The following KIFC3 variants were observed in gnomAD, a reference collection of about 807,000 sequenced individuals.
KIFC3 encodes the protein kinesin-like protein KIFC3.
In KIFC3, 60 loss-of-function variants were observed where a neutral mutation model predicts 101.8. The ratio of observed to expected loss-of-function variants is 0.59; its 90% CI spans 0.48 to 0.73. The LOEUF is 0.73. Ranked by LOEUF, KIFC3 falls within the 30% of genes least tolerant of loss-of-function variation. The pLI is 0.00. For synonymous variants in KIFC3, 476 were observed against 482.7 expected, an observed-to-expected ratio of 0.99 and a Z score of 0.18; for missense variants, 966 against 1,137.1, an observed-to-expected ratio of 0.85 and a Z score of 2.16.
At chr16:57,761,318 A>G in intron 14 of KIFC3, 95 bp downstream of exon 14, 1 of 1,580,040 alleles carries the variant, frequency 6.3e-7, no homozygotes, top group East Asian at 2.3e-5. Context: ...GACTTGCCCA[A>G]GGGTGCGTGC....
upstream of KIFC3, chr16:57,802,679 G>C (rs2054820815): frequency 4.1e-6 from 4 of 970,994 alleles, no homozygotes; most frequent in South Asian, 5.5e-5. The surrounding 1 kb of genome is among the most constrained non-coding windows in gnomAD (Gnocchi z 5.0). Flanking sequence ...CTCCTTCGCG[G>C]GGCCTCCCAC....
intron 9 of KIFC3, among the ~76,000 whole-genome samples, chr16:57,768,777 A>T (rs2050798665): frequency 6.6e-6 from 1 of 152,260 alleles, no homozygotes; most frequent in Non-Finnish European, 1.5e-5. Context: ...GCTAACGGCT[A>T]TAAACAGCTC....
intron 18 of KIFC3, 84 bp from the exon 19 acceptor site, chr16:57,759,237 G>GACTC (rs2049511872): frequency 1.3e-6 from 2 of 1,484,996 alleles, no homozygotes; most frequent in African/African-American, 2.8e-5. Context: ...TACCCCTTTG[G>GACTC]ACTCAAGGAT....
intron 1 of KIFC3, among the ~76,000 whole-genome samples, chr16:57,824,543 C>T (rs922768434): frequency 6.6e-6 from 1 of 152,014 alleles, no homozygotes; most frequent in African/African-American, 2.4e-5. Flanking sequence ...ATTAGCCAGG[C>T]GTGGTGGTGC....
rs368219719 is a variant in KIFC3, at chr16:57,759,053, G to A, written c.*24+72C>T. On this transcript the variant is annotated intron_variant, in intron 19 of 19. Coordinates refer to ENST00000445690, the MANE Select transcript of KIFC3 (RefSeq NM_001130100.2). ...TAGACCCAGCTCTGAACAGCAGAAC[G>A]TCCCAGCGCAGCCCTGCAACCCACT... 2.6e-4 allele frequency: 399 copies of A among 1,536,578 alleles called. No homozygotes were observed. In the African/African-American group the frequency reaches 4.8e-3, roughly 19 times the overall value.
intron 11 of KIFC3, chr16:57,764,513 T>G (rs1460168013): frequency 6.5e-6 from 3 of 458,756 alleles, no homozygotes; most frequent in Non-Finnish European, 1.2e-5. Context: ...TCTCAAAGAG[T>G]GCTCAGCACA....
At chr16:57,836,720 C>T (rs1404449247) in intron 1 of KIFC3, among the ~76,000 whole-genome samples, 4 of 152,076 alleles carry the variant, frequency 2.6e-5, no homozygotes, top group African/African-American at 9.7e-5. Context: ...GAGACAGGGT[C>T]TTGCTCTGTT....
chr16:57,822,967 A>C (rs966174208), intron 1 of KIFC3, among the ~76,000 whole-genome samples: 40 of 151,868 alleles, frequency 2.6e-4, no homozygotes, highest in African/African-American at 8.7e-4. Flanking sequence ...GTCCCCCCCA[A>C]CCATCTGAAT....
At chr16:57,844,232 C>T (rs1281135377) in intron 1 of KIFC3, among the ~76,000 whole-genome samples, 5 of 151,836 alleles carry the variant, frequency 3.3e-5, no homozygotes, top group Non-Finnish European at 7.4e-5. Flanking sequence ...GAGTTCAAGA[C>T]CAGCCTGGCC....
chr16:57,770,634 G>T lies in KIFC3; in HGVS notation c.832C>A (p.Arg278=). Residue 278 remains arginine (R), a synonymous_variant, in exon 7 of 20, where the codon CGG becomes AGG. Transcript: ENST00000445690. ...TKQALSESQA[R]NQHLQEQVAM... ...ACCTGCTCCTGCAGGTGCTGGTTCC[G>T]GGCCTGGGACTCGCTGAGGGCCTGC... is the stretch of plus-strand genomic sequence containing the variant. 1 of 1,554,558 alleles carries T rather than the reference G, an allele frequency of 6.4e-7. No individual in the cohort carries two copies. The highest frequency in any genetic ancestry group is 1.2e-5 in the South Asian group (1 of 83,414).
chr16:57,772,885 T>C (rs782130633), intron 3 of KIFC3, among the ~76,000 whole-genome samples: 77 of 152,218 alleles, frequency 5.1e-4, no homozygotes, highest in Non-Finnish European at 1.0e-3. Flanking sequence ...CAGCCAAGGC[T>C]CTTATAGGGG....
intron 3 of KIFC3, chr16:57,785,486 G>A (rs187514737): frequency 3.9e-6 from 5 of 1,287,620 alleles, no homozygotes; most frequent in African/African-American, 1.5e-5. Flanking sequence ...CTGGGTGGAC[G>A]TGGCCTGCTG....
chr16:57,767,114 C>T, intron 9 of KIFC3, 129 bp from the exon 10 acceptor site: 1 of 679,016 alleles, frequency 1.5e-6, no homozygotes, highest in Non-Finnish European at 2.6e-6. Context: ...TGTCACATGT[C>T]AGACTGTCCC....
At chr16:57,786,493 CAA>C (rs150606163) in intron 3 of KIFC3, among the ~76,000 whole-genome samples, 3,096 of 151,550 alleles carry the variant, frequency 0.02, 120 homozygotes, top group African/African-American at 0.072. Context: ...AGGTAGGGAG[CAA>C]AGAGTTTGGG....
upstream of KIFC3, among the ~76,000 whole-genome samples, chr16:57,805,663 T>G (rs1194834968): frequency 1.4e-5 from 2 of 144,016 alleles, no homozygotes; most frequent in African/African-American, 5.1e-5. Flanking sequence ...CACGGTGGTA[T>G]GCCCATAGAC....
rs2054803636 is a variant in KIFC3 at position 57,802,468 on chromosome 16, C to T, written c.-138G>A. ...GGCAGCTCCACGCCGCCGCCTCCTC[C>T]TCGGCCAGCCCGCTCGCGCCCCTCC... On this transcript the variant is annotated 5_prime_UTR_variant, in exon 1 of 20. Transcript: ENST00000445690. This position sits in a 1 kb window ranked among gnomAD's most constrained non-coding sequence, Gnocchi z 5.0. 2.0e-6 allele frequency: 2 copies of T among 983,346 alleles called. No homozygotes were observed. The highest frequency in any genetic ancestry group is 2.4e-6 in the Non-Finnish European group (2 of 829,116). The allele number at this position is 983,346 out of a possible 1,614,324, so 60.9% of individuals were successfully genotyped here.
intron 3 of KIFC3, chr16:57,775,059 G>C (rs2051862027): frequency 6.6e-7 from 1 of 1,515,240 alleles, no homozygotes; most frequent in African/African-American, 1.4e-5. Flanking sequence ...TGTTTGCTGG[G>C]GGTGGGAGGC....
At chr16:57,841,006 AC>A (rs2149311695) in intron 1 of KIFC3, among the ~76,000 whole-genome samples, 1 of 152,258 alleles carries the variant, frequency 6.6e-6, no homozygotes, top group African/African-American at 2.4e-5. Flanking sequence ...CATAGCTTCA[AC>A]CCTGTCACGT....
Position 57,764,142 on chromosome 16 carries a change from C to T in KIFC3, c.1617+1G>A. ...CCCCCACCCCATTGGGCAGCACCCA[C>T]CTCCATCGTGTACGTCTTGCCGGCG... On this transcript the variant is annotated splice_donor_variant, in intron 12 of 19. Coordinates refer to ENST00000445690, the MANE Select transcript of KIFC3 (RefSeq NM_001130100.2). LOFTEE classifies it high-confidence loss of function. The T allele has an allele frequency of 6.2e-7, 1 of 1,610,256 alleles. No homozygotes were observed. Among genetic ancestry groups the T allele is most frequent in the Non-Finnish European group, 8.5e-7 (1 of 1,177,934 alleles).
Sources: gnomAD v4.1 joint callset for allele counts (sites outside exome capture counted in the v4.1 genomes callset) on GRCh38, gnomAD v4.1.1 for gene constraint, Gnocchi (gnomAD v3.1) non-coding constraint, MANE v1.5 for transcripts, NCBI Gene and HGNC (gene_info 2026-07-23, HGNC 2026-07-21) for gene names.